The following DGKE variants were observed in gnomAD, a reference collection of about 807,000 sequenced individuals.
DGKE encodes diacylglycerol kinase epsilon.
DGKE carries 53 observed loss-of-function variants against 70.0 expected under a neutral mutation model. The ratio of observed to expected loss-of-function variants is 0.76; its 90% confidence interval spans 0.61 to 0.95. The LOEUF (loss-of-function observed/expected upper bound fraction) is 0.95. DGKE is among the 40% of genes least tolerant of loss of function. DGKE has a pLI of 0.00. For missense variants in DGKE, 655 were observed against 706.9 expected (o/e 0.93, Z 0.83); for synonymous variants, 291 against 257.0 (o/e 1.13, Z -1.27).
At position 56,862,205 on chromosome 17, in the gene DGKE, T is replaced by TA; in HGVS notation, c.1482dup (p.Leu495ThrfsTer3). On this transcript the variant is annotated frameshift_variant, in exon 11 of 12. Transcript: ENST00000284061. LOFTEE classifies it high-confidence loss of function. Reference sequence around the variant, plus strand: ...TCTTTCCACTGTGCTCAGATTCAAGTAAAACTGGCTAATCCTTTTCGAATA... The same window carrying TA: ...TCTTTCCACTGTGCTCAGATTCAAGTAAAAACTGGCTAATCCTTTTCGAATA... 6.2e-7 allele frequency: 1 copy of TA among 1,614,228 alleles called. No individual in the cohort carries two copies. The highest frequency in any genetic ancestry group is 8.5e-7 in the Non-Finnish European group (1 of 1,180,036).
chr17:56,848,479 T>C (rs1464958901), intron 5 of DGKE, among the ~76,000 whole-genome samples: 2 of 152,184 alleles, frequency 1.3e-5, no homozygotes, highest in East Asian at 3.8e-4. Context: ...ATTTTTGCTT[T>C]ATATTTTTTA....
At chr17:56,857,901 C>T (rs1236080471) in intron 8 of DGKE, among the ~76,000 whole-genome samples, 1 of 151,742 alleles carries the variant, frequency 6.6e-6, no homozygotes, top group Non-Finnish European at 1.5e-5. Flanking sequence ...GGTGAAACCC[C>T]ATCTCTACTA....
At chr17:56,837,068 C>T (rs1906673101) in intron 2 of DGKE, among the ~76,000 whole-genome samples, 1 of 152,126 alleles carries the variant, frequency 6.6e-6, no homozygotes, top group African/African-American at 2.4e-5. Context: ...GTCCCTAGAC[C>T]AGCAGCATCA....
chr17:56,838,720 A>G (rs1293013786), intron 2 of DGKE: 1 of 152,136 alleles, frequency 6.6e-6, no homozygotes, highest in Non-Finnish European at 1.5e-5. Context: ...AGAACGGCAT[A>G]TAAATTCATG....
At position 56,868,503 on chromosome 17, in the gene DGKE, C is replaced by G. The variant is rs1265999646; in HGVS notation, c.*5712C>G. 1 of 152,282 alleles carries G rather than the reference C, an allele frequency of 6.6e-6. No individual in the cohort carries two copies. Among genetic ancestry groups the G allele is most frequent in the Non-Finnish European group, 1.5e-5 (1 of 68,088 alleles). The allele number at this position is 152,282 out of a possible 1,614,324, so 9.4% of individuals were successfully genotyped here. A position where few individuals can be genotyped will look rare whatever the true frequency, so the allele number is the denominator to read the frequency against. ...ACTTGCTCAGCCAGCTGGCCTCTTGCACTTTCCCCTGCCCACCACTTGTAA... is the reference window on the plus strand; with the variant it reads ...ACTTGCTCAGCCAGCTGGCCTCTTGGACTTTCCCCTGCCCACCACTTGTAA... On this transcript the variant is annotated 3_prime_UTR_variant, in exon 12 of 12. Coordinates refer to ENST00000284061, the MANE Select transcript of DGKE (RefSeq NM_003647.3).
rs1165521577 is a variant in DGKE, at chr17:56,866,570, A to G, written c.*3779A>G. On this transcript the variant is annotated 3_prime_UTR_variant, in exon 12 of 12. Transcript: ENST00000284061. ...GAAAAACTTATTTGTATCATACCCAAATTGATATATTTGTCTGAACTCTGT... is the reference window on the plus strand; with the variant it reads ...GAAAAACTTATTTGTATCATACCCAGATTGATATATTTGTCTGAACTCTGT... The G allele has an allele frequency of 6.6e-6, 1 of 152,248 alleles. No individual in the cohort carries two copies. The highest frequency in any genetic ancestry group is 1.9e-4 in the East Asian group (1 of 5,204). The allele number at this position is 152,248 out of a possible 1,614,324, so 9.4% of individuals were successfully genotyped here.
rs931296222 is a variant in DGKE, at chr17:56,868,940, G to A, written c.*6149G>A. On this transcript the variant is annotated 3_prime_UTR_variant, in exon 12 of 12. Transcript: ENST00000284061. ...CCTGGCAGAGTAGAGCAGTAAGTGG[G>A]ATCAAAGGTGAATTCACCTTATTTT... 2.6e-5 allele frequency: 4 copies of A among 152,180 alleles called. No individual in the cohort carries two copies. In the East Asian group the frequency reaches 7.7e-4, roughly 29 times the overall value. The allele number at this position is 152,180 out of a possible 1,614,324, so 9.4% of individuals were successfully genotyped here.
In DGKE at chr17:56,843,406, G is replaced by A. The variant is rs537017544; in HGVS notation, c.465-613G>A. On this transcript the variant is annotated intron_variant, in intron 2 of 11. Transcript: ENST00000284061. ...AAGCTTCTGGAAAATTCCACTGTAC[G>A]CTTTTGAGAGGTTGAGGGTGAAATA... Among the ~76,000 whole-genome samples the A allele has an allele frequency of 3.3e-5, 5 of 152,112 alleles. No individual in the cohort carries two copies. In the East Asian group the frequency reaches 7.7e-4, roughly 23 times the overall value.
At position 56,862,958 on chromosome 17, in the gene DGKE, G is replaced by C. The variant is rs1189505468; in HGVS notation, c.*167G>C. ...GCATCCCCAAACCAGCCAGCCTTCA[G>C]TTATTTACAAATGTTTGTTCTTTTT... is the stretch of plus-strand genomic sequence containing the variant. On this transcript the variant is annotated 3_prime_UTR_variant, in exon 12 of 12. Coordinates refer to ENST00000284061, the MANE Select transcript of DGKE (RefSeq NM_003647.3). 1 of 478,366 alleles carries C rather than the reference G, an allele frequency of 2.1e-6. No individual in the cohort carries two copies. The highest frequency in any genetic ancestry group is 2.0e-5 in the African/African-American group (1 of 49,694). The allele number at this position is 478,366 out of a possible 1,614,324, so 29.6% of individuals were successfully genotyped here.
intron 7 of DGKE, among the ~76,000 whole-genome samples, chr17:56,851,447 G>A (rs994643396): frequency 6.6e-6 from 1 of 152,098 alleles, no homozygotes; most frequent in African/African-American, 2.4e-5. Context: ...ATTTCTCTCT[G>A]GGGAAGCTAA....
In DGKE at chr17:56,863,076, G is replaced by A. The variant is rs915212284; in HGVS notation, c.*285G>A. On this transcript the variant is annotated 3_prime_UTR_variant, in exon 12 of 12. Transcript: ENST00000284061. ...AATTTGTTATGACTGTTTTGAGAGTGGGACTCACTCTGAAGTATGTGCTGT... is the reference window on the plus strand; with the variant it reads ...AATTTGTTATGACTGTTTTGAGAGTAGGACTCACTCTGAAGTATGTGCTGT... 11 of 252,104 alleles carry A rather than the reference G, an allele frequency of 4.4e-5. No homozygotes were observed. The highest frequency in any genetic ancestry group is 7.5e-5 in the Non-Finnish European group (10 of 134,142). 15.6% of individuals were successfully genotyped at this position (252,104 alleles called of 1,614,324 possible).
intron 1 of DGKE, among the ~76,000 whole-genome samples, 187 bp downstream of exon 1, chr17:56,834,447 G>A (rs1175211130): frequency 6.6e-6 from 1 of 152,242 alleles, no homozygotes; most frequent in African/African-American, 2.4e-5. Flanking sequence ...CCGGCCTTTC[G>A]GTGGAGGGCA....
rs1220322807 is a variant in DGKE at position 56,835,101 on chromosome 17, C to T, written c.306C>T (p.Ala102=). 6.2e-7 allele frequency: 1 copy of T among 1,613,788 alleles called. No homozygotes were observed. Among genetic ancestry groups the T allele is most frequent in the Non-Finnish European group, 8.5e-7 (1 of 1,180,034 alleles). ...LRVDEGCLRK[A]DKRFQCKEIM... ...TGGACGAGGGCTGCCTCAGGAAGGC[C>T]GACAAGCGCTTCCAGTGCAAGGAGA... The change falls in exon 2 of 12, where the codon GCC becomes GCT. Residue 102 remains alanine, a synonymous_variant. Transcript: ENST00000284061.
At chr17:56,861,023 G>A (rs978794627) in intron 9 of DGKE, among the ~76,000 whole-genome samples, 2 of 152,200 alleles carry the variant, frequency 1.3e-5, no homozygotes, top group South Asian at 4.1e-4. Context: ...CGCTCTGTGA[G>A]GGATGCATAA....
In DGKE at chr17:56,858,633, C is replaced by T. The variant is rs562050880; in HGVS notation, c.1252C>T (p.Gln418Ter). The T allele has an allele frequency of 1.2e-6, 2 of 1,605,078 alleles. No individual in the cohort carries two copies. Among genetic ancestry groups the T allele is most frequent in the Non-Finnish European group, 1.7e-6 (2 of 1,176,690 alleles). The stretch of plus-strand genomic sequence containing the variant: ...CTATGGAACCAAAGATTGTTTAGTG[C>T]AAGAATGTAAAGATTTGAATAAAAA... ...LFYGTKDCLV[Q>*]ECKDLNKKVE... Residue 418 changes from glutamine (Q) to a stop codon, truncating the protein, a stop_gained, in exon 9 of 12, where the codon CAA (glutamine) becomes TAA (stop). Coordinates refer to ENST00000284061, the MANE Select transcript of DGKE (RefSeq NM_003647.3). LOFTEE classifies it high-confidence loss of function.
At position 56,869,024 on chromosome 17, in the gene DGKE, G is replaced by A. The variant is rs1327888713; in HGVS notation, c.*6233G>A. The A allele has an allele frequency of 6.7e-6, 1 of 149,340 alleles. No individual in the cohort carries two copies. Among genetic ancestry groups the A allele is most frequent in the Non-Finnish European group, 1.5e-5 (1 of 67,302 alleles). 9.3% of individuals were successfully genotyped at this position (149,340 alleles called of 1,614,324 possible). ...TTTGAAATACCTGAATGGAAACCCA[G>A]CCTCTACTACTGTAACTTAACACTT... On this transcript the variant is annotated 3_prime_UTR_variant, in exon 12 of 12. Transcript: ENST00000284061.
In DGKE at chr17:56,862,767, A is replaced by C; in HGVS notation, c.1680A>C (p.Gln560His). Residue 560 changes from glutamine (Q) to histidine (H), a missense_variant, in exon 12 of 12, where the codon CAA (glutamine) becomes CAC (histidine). By Grantham distance (24) the Gln-to-His change is conservative. Coordinates refer to ENST00000284061, the MANE Select transcript of DGKE (RefSeq NM_003647.3). Reference protein sequence around the residue: ...TDDDISSTSDQEDIKATE With the variant: ...TDDDISSTSDHEDIKATE Reference sequence around the variant, plus strand: ...ATGACATCTCTAGTACTTCGGATCAAGAAGATATAAAGGCGACTGAATAGA... The same window carrying C: ...ATGACATCTCTAGTACTTCGGATCACGAAGATATAAAGGCGACTGAATAGA... The C allele has an allele frequency of 1.9e-6, 3 of 1,586,422 alleles. No individual in the cohort carries two copies. The highest frequency in any genetic ancestry group is 2.6e-6 in the Non-Finnish European group (3 of 1,172,080).
At chr17:56,860,384 C>T (rs1401401419) in intron 9 of DGKE, among the ~76,000 whole-genome samples, 2 of 152,082 alleles carry the variant, frequency 1.3e-5, no homozygotes, top group African/African-American at 2.4e-5. Flanking sequence ...ATAAAAATAG[C>T]TGAGCATAGT....
chr17:56,855,947 A>G (rs1231808230), intron 7 of DGKE, among the ~76,000 whole-genome samples: 3 of 150,774 alleles, frequency 2.0e-5, no homozygotes, highest in South Asian at 2.1e-4. Flanking sequence ...CAGAGGTTGC[A>G]GAGAGCCGAG....
Sources: gnomAD v4.1 joint callset for allele counts (sites outside exome capture counted in the v4.1 genomes callset) on GRCh38, gnomAD v4.1.1 for gene constraint, MANE v1.5 for transcripts, NCBI Gene and HGNC (gene_info 2026-07-23, HGNC 2026-07-21) for gene names.